The following MYOF variants were observed in gnomAD, a reference collection of about 807,000 sequenced individuals.
MYOF encodes the protein myoferlin, also known as fer-1-like 3, myoferlin.
A neutral mutation model predicts 284.2 loss-of-function variants in MYOF; 244 were observed. The ratio of observed to expected loss-of-function variants is 0.86; its 90% CI spans 0.77 to 0.95. The LOEUF is 0.95. MYOF is among the 40% of genes least tolerant of loss of function. The pLI is 0.00. For synonymous variants in MYOF, 904 were observed against 919.7 expected, an observed-to-expected ratio of 0.98 and a Z score of 0.31; for missense variants, 2,496 against 2,560.6, an observed-to-expected ratio of 0.97 and a Z score of 0.54.
chr10:93,417,218 CA>C (rs1340326719), intron 5 of MYOF, among the ~76,000 whole-genome samples: 2 of 151,808 alleles, frequency 1.3e-5, no homozygotes, highest in African/African-American at 4.8e-5. Flanking sequence ...CTGCATCCAA[CA>C]CTGACCTGTC....
intron 3 of MYOF, among the ~76,000 whole-genome samples, chr10:93,436,134 C>T (rs150002446): frequency 0.011 from 1,625 of 152,072 alleles, 15 homozygotes; most frequent in Non-Finnish European, 0.017. Context: ...ATGTGGAATG[C>T]AACTCGTGCT....
rs113785263 is a variant in MYOF, at chr10:93,354,848, C to T, written c.3403+780G>A. On this transcript the variant is annotated intron_variant, in intron 31 of 53. Transcript: ENST00000359263. The stretch of plus-strand genomic sequence containing the variant: ...TACCTTGGTTCCTTCTTCTGTATAA[C>T]GGGAACAATAATAGCACCTACCTTA... Among the ~76,000 whole-genome samples, 33 of 152,238 alleles carry T rather than the reference C, an allele frequency of 2.2e-4. No homozygotes were observed. The East Asian group carries it at 6.0e-3, about 28-fold the overall frequency.
At chr10:93,362,447 GT>G (rs148529179) in intron 27 of MYOF, among the ~76,000 whole-genome samples, 2,799 of 151,880 alleles carry the variant, frequency 0.018, 92 homozygotes, top group African/African-American at 0.064. Context: ...GTTTCATCAT[GT>G]TGGCCAGGCT....
chr10:93,399,472 C>G lies in MYOF; in HGVS notation c.1141G>C (p.Val381Leu), dbSNP rs891543142. 3.1e-6 allele frequency: 5 copies of G among 1,613,146 alleles called. No homozygotes were observed. The highest frequency in any genetic ancestry group is 4.2e-6 in the Non-Finnish European group (5 of 1,179,374). The change falls in exon 13 of 54, where the codon GTA becomes CTA. Residue 381 changes from valine (V) to leucine (L), a missense_variant. Val to Leu is a conservative substitution (Grantham distance 32). Around this residue, in one of 3 missense-constraint regions of MYOF, gnomAD observed 2,436 missense variants for 2,480.7 expected, o/e 0.98. Transcript: ENST00000359263. ...GCATTGCCTCCAAATATTTCCTTTA[C>G]TGTCTGTGAGAAGGCATCATCCACT... ...PQMDDAFSQT[V>L]KEIFGGNADK...
At chr10:93,472,809 A>G (rs2057179563) in intron 1 of MYOF, among the ~76,000 whole-genome samples, 1 of 152,192 alleles carries the variant, frequency 6.6e-6, no homozygotes, top group Non-Finnish European at 1.5e-5. Context: ...TTTATTCTGA[A>G]CAGCTAAGCC....
intron 36 of MYOF, among the ~76,000 whole-genome samples, chr10:93,348,578 G>A (rs1056589294): frequency 1.3e-5 from 2 of 152,072 alleles, no homozygotes; most frequent in Non-Finnish European, 2.9e-5. Flanking sequence ...TGAGGGAGGT[G>A]TGGGGAGTAG....
Position 93,329,804 on chromosome 10 carries a change from T to A in MYOF, c.4842A>T (p.Gln1614His). ...AGACAGAAATTTTCAGGTCTTTTTC[T>A]TGAGGTAAGTAGCAGCTCAGTTCGT... The part of the protein sequence containing the change: ...RMYELSCYLP[Q>H]EKDLKISVYD... Residue 1614 changes from glutamine (Q) to histidine (H), a missense_variant, in exon 44 of 54, where the codon CAA becomes CAT. By Grantham distance (24) the Gln-to-His change is conservative. Around this residue, in one of 3 missense-constraint regions of MYOF, gnomAD observed 2,436 missense variants for 2,480.7 expected, o/e 0.98. Coordinates refer to ENST00000359263, the MANE Select transcript of MYOF (RefSeq NM_013451.4). The A allele has an allele frequency of 6.2e-7, 1 of 1,614,260 alleles. No homozygotes were observed. Among genetic ancestry groups the A allele is most frequent in the South Asian group, 1.1e-5 (1 of 91,088 alleles).
intron 25 of MYOF, among the ~76,000 whole-genome samples, chr10:93,368,484 G>A (rs1845427133): frequency 6.6e-6 from 1 of 152,162 alleles, no homozygotes; most frequent in South Asian, 2.1e-4. Flanking sequence ...TGAGGACCAG[G>A]CTTGGCTTCT....
chr10:93,464,849 A>G (rs1339499290), intron 1 of MYOF, among the ~76,000 whole-genome samples: 2 of 152,206 alleles, frequency 1.3e-5, no homozygotes, highest in African/African-American at 2.4e-5. Context: ...CTCTAGGTTC[A>G]GCCAAGAGTC....
At chr10:93,354,666 A>ACTCTCTCTCACTCT (rs1554844077) in intron 31 of MYOF, among the ~76,000 whole-genome samples, 3 of 119,236 alleles carry the variant, frequency 2.5e-5, no homozygotes, top group Admixed American at 8.5e-5. Flanking sequence ...TCACACATTC[A>ACTCTCTCTCACTCT]CTCTCTCTCT....
intron 21 of MYOF, among the ~76,000 whole-genome samples, chr10:93,379,231 T>A (rs1366672440): frequency 1.3e-5 from 2 of 152,180 alleles, no homozygotes; most frequent in African/African-American, 4.8e-5. Context: ...CAAAGCTACC[T>A]CTTCCTGCAG....
intron 53 of MYOF, among the ~76,000 whole-genome samples, chr10:93,308,485 T>C (rs1165234621): frequency 1.4e-5 from 2 of 147,094 alleles, no homozygotes; most frequent in African/African-American, 5.0e-5. Flanking sequence ...CTCGGGAGGC[T>C]GAGGCATGAG....
chr10:93,397,141 T>C (rs1847056034), intron 15 of MYOF, 106 bp downstream of exon 15: 3 of 1,011,240 alleles, frequency 3.0e-6, no homozygotes, highest in Non-Finnish European at 4.3e-6. Context: ...TATCCTCTCC[T>C]CTGGAAGGAA....
intron 3 of MYOF, among the ~76,000 whole-genome samples, chr10:93,440,020 C>T (rs181882045): frequency 1.3e-5 from 2 of 152,292 alleles, no homozygotes; most frequent in East Asian, 3.9e-4. Flanking sequence ...TTTTTCTTTT[C>T]AGAGTTAGAC....
At chr10:93,334,997 G>C (rs537317489) in intron 41 of MYOF, among the ~76,000 whole-genome samples, 3 of 152,224 alleles carry the variant, frequency 2.0e-5, no homozygotes, top group Non-Finnish European at 4.4e-5. Context: ...GTTGCAGGGA[G>C]GGGCAATTAT....
intron 1 of MYOF, among the ~76,000 whole-genome samples, chr10:93,480,932 C>T (rs1385038555): frequency 3.9e-5 from 6 of 152,106 alleles, no homozygotes; most frequent in Admixed American, 6.6e-5. Context: ...CTGGAAGAAA[C>T]GAGAAATGTA....
In MYOF at chr10:93,381,320, G is replaced by A; in HGVS notation, c.1775C>T (p.Ala592Val). The A allele has an allele frequency of 5.0e-6, 8 of 1,614,192 alleles. No homozygotes were observed. The highest frequency in any genetic ancestry group is 1.3e-5 in the African/African-American group (1 of 75,038). ...SATMLQDVGEAIQFEVSIGNY... is the reference protein window; with the variant it reads ...SATMLQDVGEVIQFEVSIGNY... The stretch of plus-strand genomic sequence containing the variant: ...CCCAATGCTGACTTCAAACTGAATG[G>A]CCTCACCAACATCTTGCAACATGGT... The change falls in exon 20 of 54, where the codon GCC (alanine) becomes GTC (valine). Residue 592 changes from alanine to valine, a missense_variant. Physicochemically the swap from Ala to Val is moderately conservative, Grantham distance 64. This residue lies in a region of MYOF where 2,436 missense variants were observed against 2,480.7 expected (regional missense o/e 0.98). Transcript: ENST00000359263.
At chr10:93,471,909 G>A (rs969088198) in intron 1 of MYOF, among the ~76,000 whole-genome samples, 6 of 150,630 alleles carry the variant, frequency 4.0e-5, no homozygotes, top group South Asian at 2.1e-4. Flanking sequence ...AAAAAGGCTC[G>A]GCACGGTGGC....
rs148463029 is a variant in MYOF at position 93,313,859 on chromosome 10, C to A, written c.5699-649G>T. ...GAGGTTGCAGTGAGCAGAGATCGCA[C>A]CATTGTTCTCCAGCCTGGGCAGCAG... On this transcript the variant is annotated intron_variant, in intron 50 of 53. Transcript: ENST00000359263. 5.3e-3 allele frequency among the ~76,000 whole-genome samples: 809 copies of A among 152,188 alleles called. 3 individuals carry two copies. The highest frequency in any genetic ancestry group is 0.01 in the Middle Eastern group (3 of 294).
Sources: gnomAD v4.1 joint callset for allele counts (sites outside exome capture counted in the v4.1 genomes callset) on GRCh38, gnomAD v4.1.1 for gene constraint, gnomAD v4.1.1 regional missense constraint, MANE v1.5 for transcripts, NCBI Gene and HGNC (gene_info 2026-07-23, HGNC 2026-07-21) for gene names.